LRP1B: variants seen among roughly 807,000 people sequenced by gnomAD.
LRP1B encodes the protein LDL receptor related protein 1B.
A neutral mutation model predicts 556.6 loss-of-function variants in LRP1B; 217 were observed. The ratio of observed to expected loss-of-function variants is 0.39; its 90% CI spans 0.35 to 0.44. The LOEUF is 0.44. Among genes scored for constraint, LRP1B ranks in the 20% least tolerant of loss-of-function variants. The probability of loss-of-function intolerance (pLI) is 1.00; values close to 1 mark genes in which losing one functional copy is unlikely to be tolerated. For missense variants in LRP1B, 5,053 were observed against 5,620.8 expected (o/e 0.90, Z 3.23); for synonymous variants, 2,047 against 1,865.8 (o/e 1.10, Z -2.50).
chr2:141,917,203 G>A (rs1040996301), intron 1 of LRP1B, among the ~76,000 whole-genome samples: 6 of 152,142 alleles, frequency 3.9e-5, no homozygotes, highest in African/African-American at 1.2e-4. Flanking sequence ...GGACTGAAGA[G>A]CTAGCTTAAT....
chr2:141,914,810 A>C (rs531824123), intron 1 of LRP1B, among the ~76,000 whole-genome samples: 14 of 152,286 alleles, frequency 9.2e-5, no homozygotes, highest in Admixed American at 4.6e-4. Context: ...GAAGATGTCT[A>C]CAAGAAGAAC....
chr2:140,647,710 A>C (rs1684533719), intron 41 of LRP1B, among the ~76,000 whole-genome samples: 1 of 152,234 alleles, frequency 6.6e-6, no homozygotes, highest in Admixed American at 6.5e-5. Flanking sequence ...ACAGGCCATC[A>C]GAGAAATGCA....
At chr2:140,487,590 A>T in intron 58 of LRP1B, 27 bp downstream of exon 58, 1 of 1,579,338 alleles carries the variant, frequency 6.3e-7, no homozygotes, top group South Asian at 1.1e-5. Context: ...AATATTCAAC[A>T]ATCCCATCAT....
chr2:140,905,940 T>C (rs1256913914), intron 22 of LRP1B, among the ~76,000 whole-genome samples: 4 of 152,182 alleles, frequency 2.6e-5, no homozygotes, highest in Non-Finnish European at 5.9e-5. Context: ...TTTGAAATTA[T>C]TTAAAAATTT....
At chr2:141,621,022 A>C (rs942058803) in intron 2 of LRP1B, among the ~76,000 whole-genome samples, 4 of 152,192 alleles carry the variant, frequency 2.6e-5, no homozygotes. Context: ...AAAACAGCTA[A>C]ACCAGAGCAT....
rs576475713 is a variant in LRP1B, at chr2:140,908,001, G to C, written c.3396C>G (p.Asp1132Glu). ...GCTTGGGTGGTCCACACAAGAAACT[G>C]TCACAGTCATCTTCATCTGACTGAT... ...CEDQSDEDDC[D>E]SFLCGPPKHP... The change falls in exon 22 of 91, where the codon GAC becomes GAG. Residue 1132 changes from aspartate to glutamate, a missense_variant. Asp to Glu is a conservative substitution (Grantham distance 45, BLOSUM62 2). Around this residue, in one of 5 missense-constraint regions of LRP1B, gnomAD observed 3,619 missense variants for 3,931.9 expected, o/e 0.92. Transcript: ENST00000389484. 24 of 1,613,416 alleles carry C rather than the reference G, an allele frequency of 1.5e-5. No individual in the cohort carries two copies. Among genetic ancestry groups the C allele is most frequent in the African/African-American group, 1.5e-4 (11 of 74,862 alleles).
At chr2:140,940,851 C>G (rs1695379294) in intron 20 of LRP1B, among the ~76,000 whole-genome samples, 2 of 152,148 alleles carry the variant, frequency 1.3e-5, no homozygotes, top group African/African-American at 4.8e-5. Flanking sequence ...GCCACAGTGT[C>G]TTCCACAATG....
intron 2 of LRP1B, among the ~76,000 whole-genome samples, chr2:141,755,584 T>C (rs1330770308): frequency 6.6e-6 from 1 of 152,050 alleles, no homozygotes; most frequent in Admixed American, 6.6e-5. Flanking sequence ...AAAAACCTTT[T>C]GGAGGGCAAC....
intron 3 of LRP1B, among the ~76,000 whole-genome samples, chr2:141,266,281 G>T (rs1044204075): frequency 5.6e-5 from 8 of 143,336 alleles, no homozygotes; most frequent in Admixed American, 2.2e-4. Context: ...CAGAGATTGC[G>T]CCACTGTACT....
chr2:141,618,031 C>T (rs1688371847), intron 2 of LRP1B, among the ~76,000 whole-genome samples: 1 of 152,132 alleles, frequency 6.6e-6, no homozygotes. Flanking sequence ...AAAACCAGTG[C>T]TTGCAAAAGG....
chr2:141,481,619 T>C (rs1682921542), intron 2 of LRP1B, among the ~76,000 whole-genome samples: 1 of 152,174 alleles, frequency 6.6e-6, no homozygotes, highest in Admixed American at 6.5e-5. Flanking sequence ...ATGTCAACAG[T>C]TATTGACTAC....
intron 1 of LRP1B, 74 bp from the exon 2 acceptor site, chr2:141,810,475 ATGTG>A: frequency 6.6e-7 from 1 of 1,506,512 alleles, no homozygotes. Flanking sequence ...CAAACATGAA[ATGTG>A]AAAAAGCAAT....
chr2:141,863,402 C>T (rs765794624), intron 1 of LRP1B, among the ~76,000 whole-genome samples: 3 of 151,970 alleles, frequency 2.0e-5, no homozygotes, highest in Middle Eastern at 3.2e-3. Flanking sequence ...AAAGTCTGGT[C>T]GGGAGAATGC....
intron 3 of LRP1B, among the ~76,000 whole-genome samples, chr2:141,375,866 G>A (rs1015583596): frequency 6.6e-6 from 1 of 152,112 alleles, no homozygotes; most frequent in Non-Finnish European, 1.5e-5. Flanking sequence ...TGGTTTCCCT[G>A]TCCTACCTTG....
chr2:140,458,944 T>A (rs1476794635), intron 60 of LRP1B, among the ~76,000 whole-genome samples: 1 of 151,960 alleles, frequency 6.6e-6, no homozygotes, highest in African/African-American at 2.4e-5. Context: ...ATATATTAAG[T>A]CACTGAATAC....
At chr2:141,856,540 A>G (rs1214466451) in intron 1 of LRP1B, among the ~76,000 whole-genome samples, 2 of 152,178 alleles carry the variant, frequency 1.3e-5, no homozygotes, top group African/African-American at 2.4e-5. Context: ...GCTAAACACA[A>G]ATTCTTTAGC....
intron 56 of LRP1B, among the ~76,000 whole-genome samples, chr2:140,494,310 C>A (rs890260293): frequency 6.6e-6 from 1 of 152,096 alleles, no homozygotes; most frequent in African/African-American, 2.4e-5. Context: ...ATGATTTAAT[C>A]TCTTCTTTTT....
intron 1 of LRP1B, among the ~76,000 whole-genome samples, chr2:141,884,279 G>C (rs1699043389): frequency 6.6e-6 from 1 of 152,146 alleles, no homozygotes; most frequent in Admixed American, 6.6e-5. Flanking sequence ...GCAAGGCTGA[G>C]GCGGTAGGAT....
chr2:140,264,023 G>A (rs182949173), intron 86 of LRP1B, among the ~76,000 whole-genome samples: 1 of 151,992 alleles, frequency 6.6e-6, no homozygotes, highest in African/African-American at 2.4e-5. Context: ...GGGGATTGAG[G>A]CATCAGCACA....
Sources: gnomAD v4.1 joint callset for allele counts (sites outside exome capture counted in the v4.1 genomes callset) on GRCh38, gnomAD v4.1.1 for gene constraint, gnomAD v4.1.1 regional missense constraint, MANE v1.5 for transcripts, NCBI Gene and HGNC (gene_info 2026-07-23, HGNC 2026-07-21) for gene names.